Variants in CABP5 observed in about 807,000 individuals in gnomAD.
CABP5 encodes the protein calcium-binding protein 5.
In CABP5, 17 loss-of-function variants were observed where a neutral mutation model predicts 21.9. The ratio of observed to expected loss-of-function variants is 0.78; its 90% CI spans 0.53 to 1.17. The LOEUF is 1.17. CABP5 is among the 50% of genes most tolerant of loss of function. The probability of loss-of-function intolerance (pLI) is 0.00; values close to 1 mark genes in which losing one functional copy is unlikely to be tolerated. For synonymous variants in CABP5, 85 were observed against 79.4 expected (o/e 1.07, Z -0.37); for missense variants, 229 against 228.9 (o/e 1.00, Z 0.00).
At chr19:48,038,827 A>C (rs2122373587) in intron 4 of CABP5, among the ~76,000 whole-genome samples, 1 of 147,292 alleles carries the variant, frequency 6.8e-6, no homozygotes, top group East Asian at 2.0e-4. Flanking sequence ...ACCCCGTCTC[A>C]AAAAAAAAAA....
At chr19:48,040,460 C>G in intron 3 of CABP5, 145 bp downstream of exon 3, 1 of 752,140 alleles carries the variant, frequency 1.3e-6, no homozygotes, top group Non-Finnish European at 2.1e-6. Flanking sequence ...CTTCCTGAGT[C>G]GAATCTGACC....
chr19:48,031,977 C>T (rs11879057), intron 5 of CABP5, among the ~76,000 whole-genome samples: 45,578 of 150,502 alleles, frequency 0.3, 7,787 homozygotes, highest in Non-Finnish European at 0.38. Flanking sequence ...AGGATGGAGG[C>T]CTTGGAAGCT....
chr19:48,031,624 G>C (rs1409164980), intron 5 of CABP5, among the ~76,000 whole-genome samples: 1 of 152,156 alleles, frequency 6.6e-6, no homozygotes, highest in Non-Finnish European at 1.5e-5. Context: ...TCACTTTACA[G>C]ATAAGGAAAC....
In CABP5 at chr19:48,030,419, G is replaced by A. The variant is rs143435381; in HGVS notation, c.*138C>T. The A allele has an allele frequency of 3.2e-3, 2,448 of 776,868 alleles. 18 individuals are homozygous for A. Among genetic ancestry groups the A allele is most frequent in the South Asian group, 6.0e-3 (343 of 57,084 alleles). The allele number at this position is 776,868 out of a possible 1,614,324, so 48.1% of individuals were successfully genotyped here. A position where few individuals can be genotyped will look rare whatever the true frequency, so the allele number is the denominator to read the frequency against. On this transcript the variant is annotated 3_prime_UTR_variant, in exon 6 of 6. Transcript: ENST00000293255. Reference sequence around the variant, plus strand: ...CTCTGGGTCTCACCCCATGCACAGCGCCGCATGCCAATGCCCTCCCTCCCG... The same window carrying A: ...CTCTGGGTCTCACCCCATGCACAGCACCGCATGCCAATGCCCTCCCTCCCG...
At chr19:48,040,480 CCA>C in intron 3 of CABP5, 123 bp downstream of exon 3, 1 of 965,698 alleles carries the variant, frequency 1.0e-6, no homozygotes, top group Non-Finnish European at 1.5e-6. Context: ...CTGTTTTCTT[CCA>C]GACTTCTAGT....
At chr19:48,035,864 C>T (rs1178792143) in intron 4 of CABP5, among the ~76,000 whole-genome samples, 4 of 152,292 alleles carry the variant, frequency 2.6e-5, no homozygotes, top group South Asian at 2.1e-4. Flanking sequence ...GGATTTGGTT[C>T]TGAGTAAGAC....
intron 2 of CABP5, 147 bp from the exon 3 acceptor site, chr19:48,040,895 G>A: frequency 1.3e-6 from 1 of 771,072 alleles, no homozygotes; most frequent in Non-Finnish European, 2.0e-6. Flanking sequence ...AAAAAACCAA[G>A]GCCGGATGTG....
chr19:48,034,537 T>C (rs967449132), intron 4 of CABP5, among the ~76,000 whole-genome samples, 175 bp from the exon 5 acceptor site: 2 of 127,870 alleles, frequency 1.6e-5, no homozygotes, highest in Non-Finnish European at 3.6e-5. Context: ...TTTTTCTTTT[T>C]TTCTTTCTTT....
chr19:48,041,397 T>C (rs1967480179), intron 2 of CABP5, 176 bp downstream of exon 2: 2 of 662,594 alleles, frequency 3.0e-6, no homozygotes, highest in Non-Finnish European at 2.7e-6. Context: ...CGAAATACTT[T>C]GGGAAGTCCT....
Position 48,034,278 on chromosome 19 carries a change from G to C in CABP5, c.433C>G (p.Arg145Gly), listed in dbSNP as rs367863199. ...QRLLGERLTP[R>G]EISEVVREAD... Reference sequence around the variant, plus strand: ...TCCCGGACAACCTCAGAGATCTCCCGGGGGGTGAGCCGCTCCCCCAGGAGT... The same window carrying C: ...TCCCGGACAACCTCAGAGATCTCCCCGGGGGTGAGCCGCTCCCCCAGGAGT... Residue 145 changes from arginine to glycine, a missense_variant, in exon 5 of 6, where the codon CGG becomes GGG. Arg to Gly is a moderately radical substitution (Grantham distance 125). Coordinates refer to ENST00000293255, the MANE Select transcript of CABP5 (RefSeq NM_019855.5). 6 of 1,605,848 alleles carry C rather than the reference G, an allele frequency of 3.7e-6. No individual in the cohort carries two copies. The highest frequency in any genetic ancestry group is 2.7e-5 in the African/African-American group (2 of 74,468).
At chr19:48,033,497 G>T (rs1332503767) in intron 5 of CABP5, among the ~76,000 whole-genome samples, 1 of 152,256 alleles carries the variant, frequency 6.6e-6, no homozygotes, top group East Asian at 1.9e-4. Flanking sequence ...GAGATGCCAC[G>T]AATCCGTATT....
At position 48,033,454 on chromosome 19, in the gene CABP5, A is replaced by G. The variant is rs575391111; in HGVS notation, c.496+761T>C. On this transcript the variant is annotated intron_variant, in intron 5 of 5. Coordinates refer to ENST00000293255, the MANE Select transcript of CABP5 (RefSeq NM_019855.5). ...ATAGTGATGATGAAGGAATTGGTCCATGGTCTCAGAAGGAAATAGGCAATA... is the reference window on the plus strand; with the variant it reads ...ATAGTGATGATGAAGGAATTGGTCCGTGGTCTCAGAAGGAAATAGGCAATA... 2.3e-3 allele frequency among the ~76,000 whole-genome samples: 346 copies of G among 152,328 alleles called. 1 individual carries two copies. The highest frequency in any genetic ancestry group is 7.9e-3 in the African/African-American group (328 of 41,572).
intron 2 of CABP5, 69 bp from the exon 3 acceptor site, chr19:48,040,817 CT>C: frequency 6.6e-7 from 1 of 1,510,366 alleles, no homozygotes; most frequent in African/African-American, 1.4e-5. Context: ...TCTCTTGAAG[CT>C]ATCAATGAGG....
At chr19:48,043,373 C>T (rs1446309509) in intron 1 of CABP5, among the ~76,000 whole-genome samples, 1 of 150,612 alleles carries the variant, frequency 6.6e-6, no homozygotes, top group East Asian at 2.0e-4. Flanking sequence ...CTTCACTTTC[C>T]TCACCTGTAA....
At chr19:48,036,698 C>T (rs1243553456) in intron 4 of CABP5, among the ~76,000 whole-genome samples, 1 of 151,834 alleles carries the variant, frequency 6.6e-6, no homozygotes, top group African/African-American at 2.4e-5. Flanking sequence ...GGGCAAAAGA[C>T]GTGAACAGCC....
intron 1 of CABP5, 110 bp downstream of exon 1, chr19:48,043,750 C>G (rs1157592120): frequency 1.1e-6 from 1 of 923,882 alleles, no homozygotes; most frequent in East Asian, 3.3e-5. Flanking sequence ...AGCTCCTGCT[C>G]TATCCACCTG....
rs1185681809 is a variant in CABP5 at position 48,030,421 on chromosome 19, C to T, written c.*136G>A. 9 of 807,242 alleles carry T rather than the reference C, an allele frequency of 1.1e-5. No homozygotes were observed. The East Asian group carries it at 1.3e-4, about 12-fold the overall frequency. 50.0% of individuals were successfully genotyped at this position (807,242 alleles called of 1,614,324 possible). ...CTGGGTCTCACCCCATGCACAGCGC[C>T]GCATGCCAATGCCCTCCCTCCCGCC... On this transcript the variant is annotated 3_prime_UTR_variant, in exon 6 of 6. Coordinates refer to ENST00000293255, the MANE Select transcript of CABP5 (RefSeq NM_019855.5).
intron 5 of CABP5, among the ~76,000 whole-genome samples, chr19:48,033,826 AT>A (rs909220954): frequency 4.4e-4 from 67 of 152,278 alleles, no homozygotes; most frequent in African/African-American, 1.6e-3. Context: ...ATGATCCTGA[AT>A]TTGAAGCCCC....
At chr19:48,034,690 C>T (rs553523757) in intron 4 of CABP5, among the ~76,000 whole-genome samples, 6 of 151,904 alleles carry the variant, frequency 3.9e-5, no homozygotes, top group Admixed American at 6.6e-5. Context: ...GGATTACAGG[C>T]GCGCACCACC....
Sources: allele counts gnomAD v4.1 joint callset (sites outside exome capture counted in the v4.1 genomes callset), GRCh38; gene constraint gnomAD v4.1.1; transcripts MANE v1.5; gene names NCBI Gene and HGNC (gene_info 2026-07-23, HGNC 2026-07-21).